Variants in KAZN observed in about 807,000 individuals in gnomAD.
KAZN encodes kazrin, periplakin interacting protein, also known as kazrin.
KAZN carries 40 observed loss-of-function variants against 87.4 expected under a neutral mutation model. The observed-to-expected ratio is 0.46, with a 90% confidence interval of 0.36 to 0.60. KAZN has a LOEUF of 0.60. Among genes scored for constraint, KAZN ranks in the 20% least tolerant of loss-of-function variants. The pLI, the probability that KAZN is intolerant of heterozygous loss-of-function variation, is 0.00. For missense variants in KAZN, 898 were observed against 1,073.9 expected (o/e 0.84, Z 2.29); for synonymous variants, 466 against 458.3 (o/e 1.02, Z -0.22).
In KAZN at chr1:14,744,394, G is replaced by GT. The variant is rs532254394; in HGVS notation, c.226+145179dup. Among the ~76,000 whole-genome samples, 1,027 of 151,074 alleles carry GT rather than the reference G, an allele frequency of 6.8e-3. 3 individuals carry two copies. The highest frequency in any genetic ancestry group is 0.014 in the African/African-American group (576 of 40,476). On this transcript the variant is annotated intron_variant, in intron 1 of 14. Transcript: ENST00000376030. ...ACATGGCTAATCCCTGATGGTGGTA[G>GT]TTTTTTTTGTTTTGTTTTTGTTTTT... is the stretch of plus-strand genomic sequence containing the variant.
intron 8 of KAZN, among the ~76,000 whole-genome samples, chr1:15,092,060 G>GTTTTTTTTTTTTTGTTTTTTTTTTTTT (rs57460680): frequency 8.7e-6 from 1 of 114,446 alleles, no homozygotes; most frequent in African/African-American, 3.3e-5. Context: ...TTGTTTTTTT[G>GTTTTTTTTTTTTTGTTTTTTTTTTTTT]TTTTTTTTTT....
intron 1 of KAZN, among the ~76,000 whole-genome samples, chr1:13,994,069 A>G (rs1639403318): frequency 6.6e-6 from 1 of 152,160 alleles, no homozygotes; most frequent in African/African-American, 2.4e-5. Context: ...CTTCTTGGAG[A>G]ACATCTTAAG....
intron 2 of KAZN, among the ~76,000 whole-genome samples, chr1:14,291,487 G>A (rs1016483704): frequency 2.6e-5 from 4 of 152,228 alleles, no homozygotes; most frequent in Admixed American, 1.3e-4. Context: ...GGGACCTGCC[G>A]AGCCAGGCAT....
At chr1:14,090,298 A>AT (rs1643945785) in intron 1 of KAZN, among the ~76,000 whole-genome samples, 1 of 151,342 alleles carries the variant, frequency 6.6e-6, no homozygotes, top group Non-Finnish European at 1.5e-5. Flanking sequence ...CACTCCATCC[A>AT]TTTTTTTCAG....
chr1:13,920,689 G>A (rs980516767), intron 1 of KAZN, among the ~76,000 whole-genome samples: 10 of 152,286 alleles, frequency 6.6e-5, no homozygotes, highest in Admixed American at 2.0e-4. Context: ...CTGTGTAGGG[G>A]AGAGTTTTAT....
At chr1:14,292,961 C>T (rs563019442) in intron 2 of KAZN, among the ~76,000 whole-genome samples, 264 of 152,318 alleles carry the variant, frequency 1.7e-3, no homozygotes, top group Admixed American at 2.7e-3. Context: ...AGGCAGACTT[C>T]ACAGATCCTG....
At chr1:14,011,636 T>C (rs1472805586) in intron 1 of KAZN, among the ~76,000 whole-genome samples, 1 of 152,130 alleles carries the variant, frequency 6.6e-6, no homozygotes, top group Non-Finnish European at 1.5e-5. Context: ...GAGCTAGGAA[T>C]GTAGAGCCAG....
chr1:14,873,174 G>C (rs971056592), intron 1 of KAZN, among the ~76,000 whole-genome samples: 2 of 151,512 alleles, frequency 1.3e-5, no homozygotes, highest in Non-Finnish European at 2.9e-5. Flanking sequence ...ATAGATGAAT[G>C]GATGGGTGGA....
chr1:14,247,646 C>T (rs78844215), intron 2 of KAZN, among the ~76,000 whole-genome samples: 27 of 152,248 alleles, frequency 1.8e-4, no homozygotes, highest in Non-Finnish European at 2.9e-4. Context: ...GGAAGTGCTT[C>T]GTGATCGATA....
rs1640983629 is a variant in KAZN, at chr1:15,099,991, C to T, written c.1548-1552C>T. Among the ~76,000 whole-genome samples the T allele has an allele frequency of 6.6e-6, 1 of 152,060 alleles. No homozygotes were observed. The highest frequency in any genetic ancestry group is 6.5e-5 in the Admixed American group (1 of 15,268). On this transcript the variant is annotated intron_variant, in intron 10 of 14. Transcript: ENST00000376030. This position sits in a 1 kb window ranked among gnomAD's most constrained non-coding sequence, Gnocchi z 5.4. The stretch of plus-strand genomic sequence containing the variant: ...CGGTGACAGTGACAGTGAAGGGGAA[C>T]AACTGAGCCATTAAGTATGACACGT...
intron 1 of KAZN, among the ~76,000 whole-genome samples, chr1:13,966,222 C>T (rs1316507429): frequency 6.6e-6 from 1 of 151,752 alleles, no homozygotes; most frequent in Non-Finnish European, 1.5e-5. Context: ...ACTCCCTCAA[C>T]ACACCTGAGT....
chr1:14,986,154 A>G lies in KAZN; in HGVS notation c.418+25279A>G, dbSNP rs1666801936. Among the ~76,000 whole-genome samples, 4 of 151,482 alleles carry G rather than the reference A, an allele frequency of 2.6e-5. No homozygotes were observed. In the South Asian group the frequency reaches 8.3e-4, roughly 31 times the overall value. On this transcript the variant is annotated intron_variant, in intron 2 of 14. Transcript: ENST00000376030. The stretch of plus-strand genomic sequence containing the variant: ...CCTGGATCGGAGGGGTGAAAAAGCC[A>G]TGAAAACCATTAAGGAGATGTTTGG...
chr1:14,358,767 G>T (rs1659254097), intron 2 of KAZN, among the ~76,000 whole-genome samples: 3 of 152,118 alleles, frequency 2.0e-5, no homozygotes, highest in Admixed American at 6.5e-5. Context: ...GTTCTAATTT[G>T]ATAGCATCGT....
chr1:14,956,831 G>A (rs1003066456), intron 1 of KAZN, among the ~76,000 whole-genome samples: 2 of 152,120 alleles, frequency 1.3e-5, no homozygotes, highest in Non-Finnish European at 2.9e-5. Flanking sequence ...TGGGAGCACC[G>A]AGGGGTGGTT....
At chr1:14,869,042 A>T (rs943119061) in intron 1 of KAZN, among the ~76,000 whole-genome samples, 1 of 152,052 alleles carries the variant, frequency 6.6e-6, no homozygotes, top group South Asian at 2.1e-4. Flanking sequence ...AGGATGCCAG[A>T]TTCCCCTTCT....
At chr1:14,009,689 C>G (rs774575119) in intron 1 of KAZN, among the ~76,000 whole-genome samples, 5 of 152,196 alleles carry the variant, frequency 3.3e-5, no homozygotes, top group African/African-American at 9.7e-5. Flanking sequence ...GACCACTCCC[C>G]CATATCTGAT....
At chr1:14,778,563 A>AT (rs1448397522) in intron 1 of KAZN, among the ~76,000 whole-genome samples, 1 of 152,046 alleles carries the variant, frequency 6.6e-6, no homozygotes, top group African/African-American at 2.4e-5. Context: ...TTAGGATTTT[A>AT]TTTTTATTTC....
chr1:14,127,791 T>G (rs1162887976), intron 1 of KAZN, among the ~76,000 whole-genome samples: 2 of 152,138 alleles, frequency 1.3e-5, no homozygotes, highest in Non-Finnish European at 2.9e-5. Flanking sequence ...GGCTTTGAGT[T>G]GGTGCTTTGA....
Position 14,976,381 on chromosome 1 carries a change from C to T in KAZN, c.418+15506C>T, listed in dbSNP as rs866351616. Among the ~76,000 whole-genome samples the T allele has an allele frequency of 1.2e-4, 19 of 152,272 alleles. No individual in the cohort carries two copies. In the Middle Eastern group the frequency reaches 0.014, roughly 109 times the overall value. On this transcript the variant is annotated intron_variant, in intron 2 of 14. Transcript: ENST00000376030. ...CTCTTGCCCCGGCCACAAGAAGGAC[C>T]GCAGGACTTAGGCCTGAGTGCTCAC... is the stretch of plus-strand genomic sequence containing the variant.
Sources: allele counts gnomAD v4.1 joint callset (sites outside exome capture counted in the v4.1 genomes callset), GRCh38; gene constraint gnomAD v4.1.1; non-coding constraint Gnocchi (gnomAD v3.1); transcripts MANE v1.5; gene names NCBI Gene and HGNC (gene_info 2026-07-23, HGNC 2026-07-21).